Variants in OR2AT4 observed in about 807,000 individuals in gnomAD.
OR2AT4 encodes the protein olfactory receptor family 2 subfamily AT member 4, also known as olfactory receptor 2AT4.
OR2AT4 carries 6 observed loss-of-function variants against 10.3 expected under a neutral mutation model. The observed-to-expected ratio is 0.58, with a 90% CI of 0.32 to 1.15. The LOEUF is 1.15. Among genes scored for constraint, OR2AT4 ranks in the 50% most tolerant of loss-of-function variants. The probability of loss-of-function intolerance (pLI) is 0.05; values close to 1 mark genes in which losing one functional copy is unlikely to be tolerated. For missense variants in OR2AT4, 354 were observed against 393.8 expected (o/e 0.90, Z 0.85); for synonymous variants, 145 against 159.1 (o/e 0.91, Z 0.67).
At chr11:75,088,342 A>T (rs147074679) in exon 2 of OR2AT4, 1 of 153,906 alleles carries the variant, frequency 6.5e-6, no homozygotes, top group Admixed American at 6.5e-5. Context: ...GATTAAGTGA[A>T]AAATAACATT....
At chr11:75,090,606 CAG>C (rs1229302104) in intron 1 of OR2AT4, among the ~76,000 whole-genome samples, 1 of 152,092 alleles carries the variant, frequency 6.6e-6, no homozygotes. Context: ...TTGGACCAGG[CAG>C]AGAGTCATAG....
exon 2 of OR2AT4, chr11:75,086,939 A>G (rs1949294013): frequency 6.6e-6 from 1 of 152,162 alleles, no homozygotes; most frequent in Non-Finnish European, 1.5e-5. Context: ...AGAATGTCAT[A>G]CAGTTAAAAT....
exon 2 of OR2AT4, chr11:75,084,591 A>G (rs1317037572): frequency 6.6e-6 from 1 of 152,212 alleles, no homozygotes; most frequent in Non-Finnish European, 1.5e-5. Flanking sequence ...GGTAGGTCAT[A>G]TTTTAGGCCA....
At chr11:75,084,643 G>T (rs1453439271) in exon 2 of OR2AT4, 1 of 151,996 alleles carries the variant, frequency 6.6e-6, no homozygotes, top group Non-Finnish European at 1.5e-5. Flanking sequence ...AAATTTAAAA[G>T]AATAGAAAAG....
At chr11:75,096,234 T>C (rs1439640250) in intron 1 of OR2AT4, 3 of 152,198 alleles carry the variant, frequency 2.0e-5, no homozygotes, top group African/African-American at 7.2e-5. Context: ...TGTGTTTAGA[T>C]AAATGAGAGA....
exon 2 of OR2AT4, chr11:75,089,967 C>T: frequency 2.2e-6 from 1 of 460,376 alleles, no homozygotes. Context: ...AAATAGAAGT[C>T]TGTATGCTTT....
chr11:75,096,642 C>T (rs1949349916), intron 1 of OR2AT4, among the ~76,000 whole-genome samples, 186 bp downstream of exon 1: 1 of 152,122 alleles, frequency 6.6e-6, no homozygotes, highest in Non-Finnish European at 1.5e-5. Flanking sequence ...ACAGCCCTGC[C>T]CCTGCCTGCG....
chr11:75,087,957 A>T (rs1949298029), exon 2 of OR2AT4: 1 of 152,182 alleles, frequency 6.6e-6, no homozygotes, highest in African/African-American at 2.4e-5. Context: ...AATTTTAAGC[A>T]AACTATCTCC....
chr11:75,086,111 C>G (rs1949288818), exon 2 of OR2AT4: 1 of 152,030 alleles, frequency 6.6e-6, no homozygotes, highest in East Asian at 1.9e-4. Flanking sequence ...ACAAATGGTG[C>G]TGGAATGATT....
intron 1 of OR2AT4, among the ~76,000 whole-genome samples, chr11:75,091,078 C>T (rs1319761520): frequency 1.3e-5 from 2 of 152,158 alleles, no homozygotes; most frequent in Non-Finnish European, 2.9e-5. Context: ...CAAGAACAAA[C>T]CAAAGTTGGA....
chr11:75,085,542 A>G (rs755044263), exon 2 of OR2AT4: 1 of 152,108 alleles, frequency 6.6e-6, no homozygotes, highest in Non-Finnish European at 1.5e-5. Flanking sequence ...CAAACCAGAC[A>G]AAGAAATTAC....
exon 2 of OR2AT4, chr11:75,086,705 C>T (rs1949292570): frequency 6.6e-6 from 1 of 152,164 alleles, no homozygotes; most frequent in Non-Finnish European, 1.5e-5. Context: ...ACATTCAAGC[C>T]TACATTGACA....
chr11:75,094,596 A>G (rs1033615332), intron 1 of OR2AT4, among the ~76,000 whole-genome samples: 8 of 152,100 alleles, frequency 5.3e-5, no homozygotes, highest in African/African-American at 1.9e-4. Flanking sequence ...AAAAAATTTT[A>G]AAACTAGCCA....
At chr11:75,090,540 C>T (rs1434417256) in intron 1 of OR2AT4, among the ~76,000 whole-genome samples, 176 bp from the exon 2 acceptor site, 2 of 152,188 alleles carry the variant, frequency 1.3e-5, no homozygotes, top group Non-Finnish European at 2.9e-5. Context: ...CTAATAATCA[C>T]CAGCTCTTTT....
At chr11:75,087,112 A>T (rs1224057235) in exon 2 of OR2AT4, 1 of 152,204 alleles carries the variant, frequency 6.6e-6, no homozygotes, top group East Asian at 1.9e-4. Flanking sequence ...TGGCATTCTG[A>T]TTGGATCCTG....
exon 2 of OR2AT4, chr11:75,089,351 C>G (rs1472676244): frequency 6.2e-7 from 1 of 1,614,144 alleles, no homozygotes; most frequent in Non-Finnish European, 8.5e-7. Context: ...AGGCCATGAC[C>G]ACCAGGATGA....
At chr11:75,087,099 A>G (rs993853746) in exon 2 of OR2AT4, 1 of 152,228 alleles carries the variant, frequency 6.6e-6, no homozygotes, top group Non-Finnish European at 1.5e-5. Context: ...ATAAAATGCA[A>G]TGTGGCATTC....
chr11:75,083,317 T>C (rs1198614309), exon 2 of OR2AT4: 1 of 152,010 alleles, frequency 6.6e-6, no homozygotes, highest in Non-Finnish European at 1.5e-5. Flanking sequence ...TCACTAATCA[T>C]CAGAGAAGTG....
At position 75,088,999 on chromosome 11, in the gene OR2AT4, G is replaced by A. The variant is rs138204372; in HGVS notation, c.715C>T (p.Arg239Trp). The change falls in exon 2 of 2, where the codon CGG becomes TGG. Residue 239 changes from arginine (R) to tryptophan (W), a missense_variant. Transcript: ENST00000641504. ...CTGCAGGTGGAGAAGGCTTTTGCCC[G>A]TCCTTCTAGGGAACTGATGCGAAGC... 1,570 of 1,614,138 alleles carry A rather than the reference G, an allele frequency of 9.7e-4. 3 individuals carry two copies. Among genetic ancestry groups the A allele is most frequent in the Non-Finnish European group, 1.2e-3 (1,463 of 1,180,022 alleles).
Sources: gnomAD v4.1 joint callset for allele counts (sites outside exome capture counted in the v4.1 genomes callset) on GRCh38, gnomAD v4.1.1 for gene constraint, MANE v1.5 for transcripts, NCBI Gene and HGNC (gene_info 2026-07-23, HGNC 2026-07-21) for gene names.